Variants in PCMT1 observed in about 807,000 individuals in gnomAD.
The protein encoded by PCMT1 is protein-L-isoaspartate (D-aspartate) O-methyltransferase, also known as protein-L-isoaspartate(D-aspartate) O-methyltransferase.
A neutral mutation model predicts 29.2 loss-of-function variants in PCMT1; 9 were observed. That is an observed-to-expected ratio of 0.31 (90% CI 0.19 to 0.54). The LOEUF is 0.54. Among genes scored for constraint, PCMT1 ranks in the 20% least tolerant of loss-of-function variants. The pLI, the probability that PCMT1 is intolerant of heterozygous loss-of-function variation, is 0.95. For missense variants in PCMT1, 184 were observed against 282.2 expected (o/e 0.65, Z 2.49); for synonymous variants, 98 against 97.5 (o/e 1.00, Z -0.03).
chr6:149,803,333 T>A (rs567893724), intron 7 of PCMT1, among the ~76,000 whole-genome samples: 1 of 152,230 alleles, frequency 6.6e-6, no homozygotes, highest in African/African-American at 2.4e-5. Context: ...CTATTCTGGC[T>A]AAATTCCTAG....
At chr6:149,786,726 G>A (rs1268656843) in intron 3 of PCMT1, among the ~76,000 whole-genome samples, 2 of 150,926 alleles carry the variant, frequency 1.3e-5, no homozygotes, top group South Asian at 2.1e-4. Context: ...GGGGCGGCGG[G>A]GCAGAGGCGC....
chr6:149,793,445 T>G, intron 4 of PCMT1, 104 bp from the exon 5 acceptor site: 1 of 1,059,360 alleles, frequency 9.4e-7, no homozygotes, highest in Non-Finnish European at 1.3e-6. Flanking sequence ...GCTATTTTTG[T>G]TTTCTCTTTG....
rs749696791 is a variant in PCMT1, at chr6:149,793,163, A to T, written c.298-386A>T. 9.2e-3 allele frequency among the ~76,000 whole-genome samples: 383 copies of T among 41,432 alleles called. 1 individual carries two copies. Among genetic ancestry groups the T allele is most frequent in the African/African-American group, 0.025 (118 of 4,676 alleles). The allele number at this position is 41,432 out of a possible 152,430, so 27.2% of individuals were successfully genotyped here. ...GGGTGACAGAGCGAGACTCTCTCTCAAAAAAAAAAAAAAAGAAATTCCTCC... is the reference window on the plus strand; with the variant it reads ...GGGTGACAGAGCGAGACTCTCTCTCTAAAAAAAAAAAAAAGAAATTCCTCC... On this transcript the variant is annotated intron_variant, in intron 4 of 7. Transcript: ENST00000464889.
intron 1 of PCMT1, among the ~76,000 whole-genome samples, chr6:149,768,153 A>G (rs953603920): frequency 2.6e-5 from 4 of 152,032 alleles, no homozygotes; most frequent in South Asian, 2.1e-4. Flanking sequence ...GTACAGTGGC[A>G]TGATCACAGC....
At chr6:149,761,292 TAC>T (rs1338138906) in intron 1 of PCMT1, among the ~76,000 whole-genome samples, 2 of 151,706 alleles carry the variant, frequency 1.3e-5, no homozygotes, top group Non-Finnish European at 2.9e-5. Context: ...CATATATATA[TAC>T]ACATACATAC....
intron 3 of PCMT1, among the ~76,000 whole-genome samples, chr6:149,775,725 G>A (rs549506124): frequency 6.6e-6 from 1 of 152,206 alleles, no homozygotes; most frequent in East Asian, 1.9e-4. Flanking sequence ...ATTAACGATT[G>A]AGGGAAATAT....
upstream of PCMT1, chr6:149,749,732 C>G (rs1450913307): frequency 6.5e-7 from 1 of 1,544,224 alleles, no homozygotes; most frequent in Non-Finnish European, 8.7e-7. Flanking sequence ...CGGGGGATGC[C>G]GGGAGCGCGC....
intron 7 of PCMT1, among the ~76,000 whole-genome samples, chr6:149,804,771 GGATTACAGGTGTCA>G (rs1775959406): frequency 6.6e-6 from 1 of 151,964 alleles, no homozygotes; most frequent in African/African-American, 2.4e-5. Flanking sequence ...CAAAGTGCTA[GGATTACAGGTGTCA>G]GCCACCATGC....
intron 6 of PCMT1, among the ~76,000 whole-genome samples, chr6:149,798,847 G>A (rs1198116574): frequency 6.6e-6 from 1 of 152,216 alleles, no homozygotes; most frequent in Non-Finnish European, 1.5e-5. Context: ...ACATGGGTCT[G>A]AAAAGAGGGA....
Position 149,811,139 on chromosome 6 carries a change from G to A in PCMT1, c.*561G>A, listed in dbSNP as rs1206870775. 2 of 152,696 alleles carry A rather than the reference G, an allele frequency of 1.3e-5. No homozygotes were observed. The highest frequency in any genetic ancestry group is 2.9e-5 in the Non-Finnish European group (2 of 68,358). 9.5% of individuals were successfully genotyped at this position (152,696 alleles called of 1,614,324 possible). Reference sequence around the variant, plus strand: ...GAATAGCATGTTGTAGATACAATCAGCTGCTTTGTTACCTTAAAACTAGGC... The same window carrying A: ...GAATAGCATGTTGTAGATACAATCAACTGCTTTGTTACCTTAAAACTAGGC... On this transcript the variant is annotated 3_prime_UTR_variant, in exon 8 of 8. Coordinates refer to ENST00000464889, the MANE Select transcript of PCMT1 (RefSeq NM_001360452.2).
At chr6:149,772,127 A>G (rs974712076) in intron 2 of PCMT1, 4 of 456,572 alleles carry the variant, frequency 8.8e-6, no homozygotes, top group Admixed American at 4.7e-5. Flanking sequence ...GTCGGCTGCC[A>G]TGCTATCTTC....
Position 149,796,435 on chromosome 6 carries a change from T to C in PCMT1, c.439T>C (p.Tyr147His). 6.2e-7 allele frequency: 1 copy of C among 1,613,732 alleles called. No individual in the cohort carries two copies. The highest frequency in any genetic ancestry group is 8.5e-7 in the Non-Finnish European group (1 of 1,179,812). ...QLVVGDGRMG[Y>H]AEEAPYDAIH... is the part of the protein sequence containing the mutation. The stretch of plus-strand genomic sequence containing the variant: ...TTCAGTGGGGGATGGAAGAATGGGA[T>C]ATGCTGAAGAAGCCCCTTATGATGC... Residue 147 changes from tyrosine to histidine, a missense_variant, in exon 6 of 8, where the codon TAT (tyrosine) becomes CAT (histidine). Transcript: ENST00000464889.
chr6:149,760,479 G>C (rs543078335), intron 1 of PCMT1, among the ~76,000 whole-genome samples: 2 of 152,276 alleles, frequency 1.3e-5, no homozygotes, highest in East Asian at 3.9e-4. Context: ...CAAGGTTAAA[G>C]ATAGTTTACC....
intron 4 of PCMT1, 60 bp downstream of exon 4, chr6:149,790,118 TG>T: frequency 9.9e-7 from 1 of 1,014,306 alleles, no homozygotes; most frequent in South Asian, 1.5e-5. Flanking sequence ...TTTGGCTGTA[TG>T]TTTTTTTAAC....
In PCMT1 at chr6:149,810,639, A is replaced by G. The variant is rs1776135307; in HGVS notation, c.*61A>G. On this transcript the variant is annotated 3_prime_UTR_variant, in exon 8 of 8. Coordinates refer to ENST00000464889, the MANE Select transcript of PCMT1 (RefSeq NM_001360452.2). Reference sequence around the variant, plus strand: ...AGGGATGAATTGTAAAAGCAACATCAGCTTGACCAGTATAAAATTACAGTG... The same window carrying G: ...AGGGATGAATTGTAAAAGCAACATCGGCTTGACCAGTATAAAATTACAGTG... 6.5e-7 allele frequency: 1 copy of G among 1,545,674 alleles called. No homozygotes were observed. Among genetic ancestry groups the G allele is most frequent in the Non-Finnish European group, 8.7e-7 (1 of 1,143,042 alleles).
intron 3 of PCMT1, among the ~76,000 whole-genome samples, chr6:149,789,748 G>A (rs973926244): frequency 6.6e-6 from 1 of 151,914 alleles, no homozygotes; most frequent in Admixed American, 6.6e-5. Flanking sequence ...CACACTGGAG[G>A]TCTAAAATTA....
In PCMT1 at chr6:149,754,143, G is replaced by T. The variant is rs148860642; in HGVS notation, c.55+4187G>T. 5.3e-3 allele frequency among the ~76,000 whole-genome samples: 800 copies of T among 152,294 alleles called. 7 individuals carry two copies. The highest frequency in any genetic ancestry group is 0.019 in the African/African-American group (773 of 41,560). On this transcript the variant is annotated intron_variant, in intron 1 of 7. Coordinates refer to ENST00000464889, the MANE Select transcript of PCMT1 (RefSeq NM_001360452.2). ...TTGGTGATGTTCTCTATATTGTCCA[G>T]TGTGGTAGCTACTAGCTACATGTGG...
At chr6:149,758,718 A>G (rs780755193) in intron 1 of PCMT1, among the ~76,000 whole-genome samples, 8 of 152,188 alleles carry the variant, frequency 5.3e-5, no homozygotes, top group Non-Finnish European at 8.8e-5. Context: ...CTATGTATCA[A>G]TTAAAAGTTA....
intron 3 of PCMT1, among the ~76,000 whole-genome samples, chr6:149,780,291 T>C (rs1354194934): frequency 6.6e-6 from 1 of 150,428 alleles, no homozygotes; most frequent in East Asian, 1.9e-4. Context: ...CAGTGAGTCA[T>C]GATAACACCA....
Sources: allele counts gnomAD v4.1 joint callset (sites outside exome capture counted in the v4.1 genomes callset), GRCh38; gene constraint gnomAD v4.1.1; transcripts MANE v1.5; gene names NCBI Gene and HGNC (gene_info 2026-07-23, HGNC 2026-07-21).